The following CUX1 variants were observed in gnomAD, a reference collection of about 807,000 sequenced individuals.
The protein encoded by CUX1 is cut like homeobox 1.
In CUX1, 31 loss-of-function variants were observed where a neutral mutation model predicts 158.8. The observed-to-expected ratio is 0.20, with a 90% CI of 0.15 to 0.26. The LOEUF (loss-of-function observed/expected upper bound fraction) is 0.26. CUX1 is among the 10% of genes least tolerant of loss of function. CUX1 has a pLI of 1.00. For synonymous variants in CUX1, 879 were observed against 862.1 expected (o/e 1.02, Z -0.34); for missense variants, 1,589 against 2,014.6 (o/e 0.79, Z 4.04).
At chr7:101,849,888 G>A (rs1796088518) in intron 1 of CUX1, among the ~76,000 whole-genome samples, 1 of 149,722 alleles carries the variant, frequency 6.7e-6, no homozygotes, top group Non-Finnish European at 1.5e-5. Context: ...ACCGGTATGA[G>A]ACAGTATCTC....
chr7:102,245,012 T>G lies in CUX1; in HGVS notation c.3888-3400T>G, dbSNP rs1563480386. On this transcript the variant is annotated intron_variant, in intron 23 of 23. Transcript: ENST00000292535. ...GTGCCAGGCACTGAGCCAAAAAGGT[T>G]TTTGTTTGTTTGTTTGTTTTCTGAT... Among the ~76,000 whole-genome samples, 11 of 152,030 alleles carry G rather than the reference T, an allele frequency of 7.2e-5. 1 individual carries two copies. The highest frequency in any genetic ancestry group is 1.5e-5 in the Non-Finnish European group (1 of 67,994).
At chr7:101,933,875 T>C (rs1806581465) in intron 2 of CUX1, among the ~76,000 whole-genome samples, 3 of 152,216 alleles carry the variant, frequency 2.0e-5, no homozygotes, top group Admixed American at 1.3e-4. Context: ...TTGTAGCGCT[T>C]TCCTTTGAAA....
rs1339805149 is a variant in CUX1 at position 102,249,446 on chromosome 7, CGG to C, written c.*405_*406del. 2.0e-6 allele frequency: 2 copies of C among 986,202 alleles called. No individual in the cohort carries two copies. The highest frequency in any genetic ancestry group is 3.5e-5 in the African/African-American group (2 of 57,254). 61.1% of individuals were successfully genotyped at this position (986,202 alleles called of 1,614,324 possible). ...TATGTCGTGTTTTCAAGGAAGAAAA[CGG>C]AAATGTGTGGTCGAGCTTTTTTGTA... On this transcript the variant is annotated 3_prime_UTR_variant, in exon 24 of 24. Transcript: ENST00000292535.
chr7:102,189,500 G>A (rs1417708641), intron 11 of CUX1, among the ~76,000 whole-genome samples: 1 of 151,386 alleles, frequency 6.6e-6, no homozygotes, highest in Admixed American at 6.6e-5. Context: ...GGCTCAGGCA[G>A]TCCTCCCACC....
intron 1 of CUX1, chr7:101,822,372 T>C (rs1284019071): frequency 2.0e-5 from 3 of 152,254 alleles, no homozygotes; most frequent in Admixed American, 2.0e-4. Context: ...CTGTAATCAG[T>C]CCAGCTTCTC....
intron 7 of CUX1, among the ~76,000 whole-genome samples, chr7:102,112,295 G>T (rs1247827670): frequency 1.4e-5 from 2 of 145,770 alleles, no homozygotes; most frequent in African/African-American, 5.2e-5. Context: ...AGGCTGGAGT[G>T]CAGTGGCACG....
At chr7:101,833,864 T>C (rs974391376) in intron 1 of CUX1, among the ~76,000 whole-genome samples, 15 of 151,850 alleles carry the variant, frequency 9.9e-5, no homozygotes, top group East Asian at 3.9e-4. Context: ...ACTGCAATTT[T>C]CCCCCCCAAA....
intron 4 of CUX1, among the ~76,000 whole-genome samples, chr7:102,072,855 A>T (rs77000812): frequency 6.6e-6 from 1 of 152,180 alleles, no homozygotes; most frequent in Admixed American, 6.5e-5. Flanking sequence ...GTCCATACTG[A>T]CGCAGGGATA....
chr7:102,062,599 C>T (rs1348405395), intron 3 of CUX1, among the ~76,000 whole-genome samples: 2 of 152,166 alleles, frequency 1.3e-5, no homozygotes, highest in African/African-American at 4.8e-5. Flanking sequence ...GAGCCTTGAC[C>T]TCCTGAGCTC....
rs118171711 is a variant in CUX1, at chr7:102,166,896, G to A, written c.724-3550G>A. On this transcript the variant is annotated intron_variant, in intron 9 of 23. Coordinates refer to ENST00000292535, the MANE Select transcript of CUX1 (RefSeq NM_181552.4). Reference sequence around the variant, plus strand: ...CCACAAGTGATAGAAGTCTGACACCGTGACCGCCAACAGATGGGCCACAGA... The same window carrying A: ...CCACAAGTGATAGAAGTCTGACACCATGACCGCCAACAGATGGGCCACAGA... Among the ~76,000 whole-genome samples, 1,175 of 152,260 alleles carry A rather than the reference G, an allele frequency of 7.7e-3. 18 individuals are homozygous for A. The highest frequency in any genetic ancestry group is 0.01 in the Non-Finnish European group (687 of 68,022).
intron 5 of CUX1, among the ~76,000 whole-genome samples, chr7:102,099,082 G>T (rs1829513120): frequency 6.6e-6 from 1 of 152,186 alleles, no homozygotes; most frequent in Non-Finnish European, 1.5e-5. Flanking sequence ...AGAGCCAGAG[G>T]TAGAGGCATG....
intron 2 of CUX1, among the ~76,000 whole-genome samples, chr7:102,027,211 C>T (rs1257575653): frequency 6.6e-6 from 1 of 152,008 alleles, no homozygotes; most frequent in Non-Finnish European, 1.5e-5. Context: ...ATGGCAAAAA[C>T]CCATCTCTAC....
chr7:102,272,840 G>T (rs1327635412), intron 14 of CUX1, among the ~76,000 whole-genome samples: 1 of 152,178 alleles, frequency 6.6e-6, no homozygotes, highest in Non-Finnish European at 1.5e-5. Context: ...TTGGGGGCGG[G>T]ACCAAGCACC....
chr7:102,069,377 G>C (rs1462615475), intron 3 of CUX1, among the ~76,000 whole-genome samples: 1 of 152,174 alleles, frequency 6.6e-6, no homozygotes, highest in Non-Finnish European at 1.5e-5. Flanking sequence ...CCCATGGTGT[G>C]TTGTAGCCGT....
intron 20 of CUX1, among the ~76,000 whole-genome samples, chr7:102,226,298 G>A (rs1798341133): frequency 6.6e-6 from 1 of 152,214 alleles, no homozygotes; most frequent in Non-Finnish European, 1.5e-5. Context: ...TTCAGAAGCA[G>A]GCAGAACCAG....
chr7:101,944,855 C>T (rs1035971695), intron 2 of CUX1, among the ~76,000 whole-genome samples: 2 of 152,166 alleles, frequency 1.3e-5, no homozygotes, highest in African/African-American at 2.4e-5. Context: ...TGGTGCAGGC[C>T]GTGTTGCACA....
chr7:101,971,521 G>T (rs1811951106), intron 2 of CUX1, among the ~76,000 whole-genome samples: 1 of 152,134 alleles, frequency 6.6e-6, no homozygotes, highest in Admixed American at 6.6e-5. Context: ...AGAGGAAAAG[G>T]CAGTTAGAAC....
At chr7:101,849,807 T>G (rs887223456) in intron 1 of CUX1, among the ~76,000 whole-genome samples, 5 of 152,096 alleles carry the variant, frequency 3.3e-5, no homozygotes, top group African/African-American at 9.7e-5. Flanking sequence ...ACCGTGTATA[T>G]AAGTGTTCCC....
intron 2 of CUX1, among the ~76,000 whole-genome samples, chr7:101,971,746 G>A (rs1811979219): frequency 6.6e-6 from 1 of 152,162 alleles, no homozygotes; most frequent in Non-Finnish European, 1.5e-5. Flanking sequence ...AAAGATCCTC[G>A]TAAAAAGAAG....
Sources: allele counts gnomAD v4.1 joint callset (sites outside exome capture counted in the v4.1 genomes callset), GRCh38; gene constraint gnomAD v4.1.1; transcripts MANE v1.5; gene names NCBI Gene and HGNC (gene_info 2026-07-23, HGNC 2026-07-21).